ITGB1: variants seen among roughly 807,000 people sequenced by gnomAD.
The protein encoded by ITGB1 is integrin beta-1.
Under a neutral mutation model 86.5 loss-of-function variants are expected in ITGB1, and 24 were observed. The ratio of observed to expected loss-of-function variants is 0.28; its 90% confidence interval spans 0.20 to 0.39. The LOEUF (loss-of-function observed/expected upper bound fraction) is 0.39, where lower values mean the gene tolerates loss of function less well. ITGB1 is among the 10% of genes least tolerant of loss of function. The pLI is 1.00. For missense variants in ITGB1, 556 were observed against 946.9 expected (o/e 0.59, Z 5.42); for synonymous variants, 323 against 316.8 (o/e 1.02, Z -0.21).
At chr10:32,943,386 C>A (rs893786629) in intron 1 of ITGB1, among the ~76,000 whole-genome samples, 1 of 151,436 alleles carries the variant, frequency 6.6e-6, no homozygotes, top group Non-Finnish European at 1.5e-5. Flanking sequence ...TGTAGAAATG[C>A]CCAAATCTCT....
rs201278521 is a variant in ITGB1 at position 32,901,429 on chromosome 10, A to T, written c.*141T>A. 5.2e-5 allele frequency: 28 copies of T among 540,778 alleles called. No individual in the cohort carries two copies. Among genetic ancestry groups the T allele is most frequent in the Admixed American group, 3.7e-4 (10 of 27,126 alleles). The allele number at this position is 540,778 out of a possible 1,614,324, so 33.5% of individuals were successfully genotyped here. On this transcript the variant is annotated 3_prime_UTR_variant, in exon 16 of 16. Coordinates refer to ENST00000302278, the MANE Select transcript of ITGB1 (RefSeq NM_002211.4). The stretch of plus-strand genomic sequence containing the variant: ...AACATTATTTTCAAAATAATAAAAC[A>T]TTTTAAAAATTATACATATTGTACA...
chr10:32,935,853 A>G lies in ITGB1; in HGVS notation c.1-295T>C, dbSNP rs1593877354. On this transcript the variant is annotated intron_variant, in intron 1 of 15. Transcript: ENST00000302278. ...AACATTTAATTAACAGCGCTCAAAA[A>G]AAAAATCAGTGTTAAGTATTCCTCA... The G allele has an allele frequency of 1.2e-5, 3 of 243,370 alleles. No homozygotes were observed. The East Asian group carries it at 2.5e-4, about 21-fold the overall frequency. 15.1% of individuals were successfully genotyped at this position (243,370 alleles called of 1,614,324 possible).
At chr10:32,921,168 A>G (rs908468725) in intron 9 of ITGB1, among the ~76,000 whole-genome samples, 4 of 151,630 alleles carry the variant, frequency 2.6e-5, no homozygotes, top group Non-Finnish European at 5.9e-5. Context: ...CCAGCCAAAA[A>G]AAAAAAAAAA....
At chr10:32,937,279 C>T (rs1223341138) in intron 1 of ITGB1, among the ~76,000 whole-genome samples, 1 of 152,158 alleles carries the variant, frequency 6.6e-6, no homozygotes, top group Non-Finnish European at 1.5e-5. Flanking sequence ...TTATAGAGGG[C>T]CAAGTGCAGT....
Position 32,912,112 on chromosome 10 carries a change from C to A in ITGB1, c.1482G>T (p.Gly494=), listed in dbSNP as rs2094915310. Residue 494 remains glycine (G), a synonymous_variant, in exon 12 of 16, where the codon GGG becomes GGT. Coordinates refer to ENST00000302278, the MANE Select transcript of ITGB1 (RefSeq NM_002211.4). ...FECGACRCNE[G]RVGRHCECST... is the part of the protein sequence containing the mutation. ...TGCATTCACAATGTCTACCAACACG[C>A]CCTTCATTGCACCTGAAGAAACATG... 4.3e-6 allele frequency: 7 copies of A among 1,611,760 alleles called. No homozygotes were observed. The East Asian group carries it at 1.6e-4, about 36-fold the overall frequency.
rs754002899 is a variant in ITGB1 at position 32,929,853 on chromosome 10, T to C, written c.345A>G (p.Gln115=). 6.2e-7 allele frequency: 1 copy of C among 1,612,430 alleles called. No homozygotes were observed. Among genetic ancestry groups the C allele is most frequent in the Non-Finnish European group, 8.5e-7 (1 of 1,178,480 alleles). The part of the protein sequence containing the change: ...KLKPEDITQI[Q]PQQLVLRLRS... Reference sequence around the variant, plus strand: ...TTAATCGCAAAACCAACTGCTGTGGTTGGATCTGAGTAATATCCTCTGGCT... The same window carrying C: ...TTAATCGCAAAACCAACTGCTGTGGCTGGATCTGAGTAATATCCTCTGGCT... Residue 115 remains glutamine, a synonymous_variant, in exon 4 of 16, where the codon CAA becomes CAG. Transcript: ENST00000302278.
At position 32,920,079 on chromosome 10, in the gene ITGB1, T is replaced by G; in HGVS notation, c.1275A>C (p.Gln425His). ...TATTTGAAGTTATGCTAATTTCAAA[T>G]TGAACCTTGAAGGGAAAAAAAAGAT... ...CSNISIGDEV[Q>H]FEISITSNKC... Residue 425 changes from glutamine to histidine, a missense_variant, in exon 11 of 16, where the codon CAA becomes CAC. Coordinates refer to ENST00000302278, the MANE Select transcript of ITGB1 (RefSeq NM_002211.4). The G allele has an allele frequency of 6.2e-7, 1 of 1,613,108 alleles. No homozygotes were observed. The highest frequency in any genetic ancestry group is 1.1e-5 in the South Asian group (1 of 91,036).
At chr10:32,939,043 G>A (rs538991735) in intron 1 of ITGB1, among the ~76,000 whole-genome samples, 157 of 152,178 alleles carry the variant, frequency 1.0e-3, no homozygotes, top group Admixed American at 2.6e-3. Flanking sequence ...CAAGTCCTAC[G>A]CCACAAAGCT....
intron 1 of ITGB1, chr10:32,955,629 T>C (rs574378779): frequency 1.2e-4 from 19 of 152,318 alleles, no homozygotes; most frequent in African/African-American, 3.8e-4. Context: ...TTAGGAAAAC[T>C]GGCACCATGT....
rs201002253 is a variant in ITGB1, at chr10:32,926,149, G to A, written c.548-40C>T. ...ATGGTACATAAATGAATGAATGGAT[G>A]GATAGATGGAAAGACAGAGATTTGC... is the stretch of plus-strand genomic sequence containing the variant. On this transcript the variant is annotated intron_variant, in intron 5 of 15. Transcript: ENST00000302278. 559 of 1,319,576 alleles carry A rather than the reference G, an allele frequency of 4.2e-4. 5 individuals are homozygous for A. In the South Asian group the frequency reaches 6.3e-3, roughly 15 times the overall value. 81.7% of individuals were successfully genotyped at this position (1,319,576 alleles called of 1,614,324 possible).
chr10:32,920,941 C>A (rs375206474), intron 9 of ITGB1, among the ~76,000 whole-genome samples: 1 of 152,020 alleles, frequency 6.6e-6, no homozygotes, highest in African/African-American at 2.4e-5. Flanking sequence ...CAAGATCACA[C>A]CACTGCACTC....
chr10:32,921,159 C>A (rs1245407844), intron 9 of ITGB1, among the ~76,000 whole-genome samples: 2 of 104,796 alleles, frequency 1.9e-5, no homozygotes, highest in African/African-American at 3.7e-5. Context: ...CATTGTAGCC[C>A]AGCCAAAAAA....
intron 15 of ITGB1, among the ~76,000 whole-genome samples, chr10:32,905,220 A>C (rs2094892760): frequency 6.6e-6 from 1 of 152,248 alleles, no homozygotes; most frequent in Admixed American, 6.5e-5. Flanking sequence ...ATTTAACTTT[A>C]AAAATCTTAC....
chr10:32,917,749 C>G (rs112055750), intron 11 of ITGB1, among the ~76,000 whole-genome samples: 6,797 of 152,276 alleles, frequency 0.045, 503 homozygotes, highest in African/African-American at 0.15. Context: ...GCTGGTGGGA[C>G]TGTAAACTAG....
chr10:32,905,142 T>C (rs2094892606), intron 15 of ITGB1, among the ~76,000 whole-genome samples: 1 of 152,118 alleles, frequency 6.6e-6, no homozygotes. Flanking sequence ...AAATATATTG[T>C]CTCAGACTAA....
At chr10:32,920,220 A>T in intron 10 of ITGB1, 25 bp downstream of exon 10, 1 of 1,603,298 alleles carries the variant, frequency 6.2e-7, no homozygotes, top group South Asian at 1.1e-5. Flanking sequence ...AATGTTTTCT[A>T]CAGAAAATGC....
intron 1 of ITGB1, among the ~76,000 whole-genome samples, chr10:32,944,197 G>T (rs2095025716): frequency 6.6e-6 from 1 of 152,232 alleles, no homozygotes; most frequent in Non-Finnish European, 1.5e-5. Flanking sequence ...GACACACGAG[G>T]TTTCCAGTAC....
intron 1 of ITGB1, chr10:32,957,858 GGCGACCCTCACGTTCGGAACGC>G (rs1489912642): frequency 6.6e-6 from 1 of 152,130 alleles, no homozygotes; most frequent in South Asian, 2.1e-4. Flanking sequence ...CGCCCAGGCC[GGCGACCCTCACGTTCGGAACGC>G]GGCTGGGCTG....
intron 1 of ITGB1, among the ~76,000 whole-genome samples, chr10:32,954,384 C>T (rs2095048471): frequency 6.6e-6 from 1 of 152,034 alleles, no homozygotes; most frequent in Non-Finnish European, 1.5e-5. Context: ...GTTCTCCCTC[C>T]CAAATACAGT....
Sources: allele counts gnomAD v4.1 joint callset (sites outside exome capture counted in the v4.1 genomes callset), GRCh38; gene constraint gnomAD v4.1.1; transcripts MANE v1.5; gene names NCBI Gene and HGNC (gene_info 2026-07-23, HGNC 2026-07-21).